CSMD1: variants seen among roughly 807,000 people sequenced by gnomAD.
CSMD1 encodes CUB and sushi domain-containing protein 1.
In CSMD1, 213 loss-of-function variants were observed where a neutral mutation model predicts 417.5. That is an observed-to-expected ratio of 0.51 (90% CI 0.46 to 0.57). The LOEUF (loss-of-function observed/expected upper bound fraction) is 0.57, where lower values mean the gene tolerates loss of function less well. CSMD1 is among the 20% of genes least tolerant of loss of function. The pLI, the probability that CSMD1 is intolerant of heterozygous loss-of-function variation, is 0.00. For synonymous variants in CSMD1, 2,862 were observed against 1,736.8 expected (o/e 1.65, Z -16.11); for missense variants, 6,923 against 4,529.7 (o/e 1.53, Z -15.17).
At chr8:4,248,276 T>A (rs1484061704) in intron 3 of CSMD1, among the ~76,000 whole-genome samples, 4 of 152,194 alleles carry the variant, frequency 2.6e-5, no homozygotes, top group Non-Finnish European at 4.4e-5. Context: ...TCTAGTCCAC[T>A]ATTCTTTATA....
At chr8:2,983,313 A>C (rs796640583) in intron 54 of CSMD1, among the ~76,000 whole-genome samples, 81 of 152,064 alleles carry the variant, frequency 5.3e-4, no homozygotes, top group African/African-American at 1.9e-3. Context: ...CAGCCTCCCG[A>C]GTAGCTGGTA....
intron 25 of CSMD1, among the ~76,000 whole-genome samples, chr8:3,301,505 C>G (rs929289937): frequency 6.6e-6 from 1 of 152,088 alleles, no homozygotes; most frequent in Non-Finnish European, 1.5e-5. Context: ...CAGAATATTT[C>G]TGGATGGGAT....
chr8:3,982,199 A>AAAT (rs1310971969), intron 5 of CSMD1, among the ~76,000 whole-genome samples: 1 of 142,436 alleles, frequency 7.0e-6, no homozygotes, highest in Non-Finnish European at 1.5e-5. Flanking sequence ...ATATTAATAA[A>AAAT]AAAAATAATA....
intron 3 of CSMD1, among the ~76,000 whole-genome samples, chr8:4,403,393 A>C (rs116552531): frequency 6.6e-6 from 1 of 152,030 alleles, no homozygotes; most frequent in Non-Finnish European, 1.5e-5. Context: ...CTCTCATCTA[A>C]TTCTCTTTTG....
At chr8:4,610,666 C>G (rs1478273) in intron 2 of CSMD1, among the ~76,000 whole-genome samples, 73,870 of 151,934 alleles carry the variant, frequency 0.49, 18,916 homozygotes, top group African/African-American at 0.66. Flanking sequence ...TAATTCATCC[C>G]ATGAATTAGT....
chr8:4,711,018 G>T (rs990740619), intron 1 of CSMD1, among the ~76,000 whole-genome samples: 4 of 151,922 alleles, frequency 2.6e-5, no homozygotes, highest in Non-Finnish European at 5.9e-5. Flanking sequence ...GATGTGCCCA[G>T]GCCTTTTCTA....
chr8:4,802,358 T>C (rs1022922486), intron 1 of CSMD1, among the ~76,000 whole-genome samples: 1 of 151,282 alleles, frequency 6.6e-6, no homozygotes, highest in East Asian at 1.9e-4. Flanking sequence ...CGCGCGTGTG[T>C]GTGTGTGTGT....
At chr8:3,589,397 T>C (rs1800747276) in intron 8 of CSMD1, among the ~76,000 whole-genome samples, 1 of 151,954 alleles carries the variant, frequency 6.6e-6, no homozygotes, top group African/African-American at 2.4e-5. Flanking sequence ...TGTGTGTGTG[T>C]GTGTGTGTTC....
rs537935220 is a variant in CSMD1, at chr8:4,090,818, G to C, written c.416-58719C>G. ...TGGTTAAAGAACATATATTCTTTAA[G>C]TCGAATGAAAAAATAGAAATATTTG... is the stretch of plus-strand genomic sequence containing the variant. On this transcript the variant is annotated intron_variant, in intron 3 of 69. Coordinates refer to ENST00000635120, the MANE Select transcript of CSMD1 (RefSeq NM_033225.6). Among the ~76,000 whole-genome samples, 3 of 152,062 alleles carry C rather than the reference G, an allele frequency of 2.0e-5. No homozygotes were observed. In the East Asian group the frequency reaches 5.8e-4, roughly 29 times the overall value.
In CSMD1 at chr8:4,583,941, G is replaced by A. The variant is rs567243561; in HGVS notation, c.302+53401C>T. ...GCTTTTATGAGCTGTAACACTCACCGCCAAAGTCTGCAGCTTCACTCCTGA... is the reference window on the plus strand; with the variant it reads ...GCTTTTATGAGCTGTAACACTCACCACCAAAGTCTGCAGCTTCACTCCTGA... On this transcript the variant is annotated intron_variant, in intron 2 of 69. Coordinates refer to ENST00000635120, the MANE Select transcript of CSMD1 (RefSeq NM_033225.6). Among the ~76,000 whole-genome samples the A allele has an allele frequency of 1.1e-4, 16 of 152,014 alleles. No individual in the cohort carries two copies. In the East Asian group the frequency reaches 2.9e-3, roughly 28 times the overall value.
chr8:3,939,130 G>T (rs961533665), intron 5 of CSMD1, among the ~76,000 whole-genome samples: 1 of 152,068 alleles, frequency 6.6e-6, no homozygotes, highest in Admixed American at 6.6e-5. Flanking sequence ...CAGAAAAACT[G>T]TTCTTGCCCT....
intron 5 of CSMD1, among the ~76,000 whole-genome samples, chr8:3,844,854 C>G (rs151189560): frequency 4.6e-5 from 7 of 152,206 alleles, no homozygotes; most frequent in African/African-American, 1.7e-4. Flanking sequence ...GGAAAAATGT[C>G]TCTTAAAATT....
intron 2 of CSMD1, among the ~76,000 whole-genome samples, chr8:4,593,180 T>C (rs1028962800): frequency 2.0e-5 from 3 of 152,130 alleles, no homozygotes; most frequent in Non-Finnish European, 4.4e-5. Context: ...GTCACTGAAG[T>C]GCATACAAAT....
intron 50 of CSMD1, among the ~76,000 whole-genome samples, chr8:3,037,952 C>T (rs1362208600): frequency 6.6e-6 from 1 of 152,176 alleles, no homozygotes; most frequent in African/African-American, 2.4e-5. Context: ...TTTCCTTATT[C>T]CTGCCACTAC....
intron 50 of CSMD1, among the ~76,000 whole-genome samples, chr8:3,041,926 C>T (rs1248262013): frequency 6.6e-6 from 1 of 152,162 alleles, no homozygotes. Flanking sequence ...TTTGACATCA[C>T]GGTCCTCTTG....
At chr8:4,619,613 C>T (rs574033146) in intron 2 of CSMD1, among the ~76,000 whole-genome samples, 133 of 152,148 alleles carry the variant, frequency 8.7e-4, no homozygotes, top group Non-Finnish European at 1.4e-3. Flanking sequence ...CCACTCTATC[C>T]GTCTGTGCAC....
chr8:4,134,086 T>A (rs1803273293), intron 3 of CSMD1, among the ~76,000 whole-genome samples: 1 of 152,218 alleles, frequency 6.6e-6, no homozygotes, highest in Non-Finnish European at 1.5e-5. Context: ...TATAAGATTA[T>A]CAACTCAACA....
intron 5 of CSMD1, among the ~76,000 whole-genome samples, chr8:3,754,779 C>G (rs892834994): frequency 2.0e-5 from 3 of 152,076 alleles, no homozygotes; most frequent in African/African-American, 4.8e-5. Context: ...TTCTATGTAA[C>G]CTGAAGTAGA....
chr8:4,022,946 A>G (rs564786101), intron 4 of CSMD1, among the ~76,000 whole-genome samples: 2 of 152,366 alleles, frequency 1.3e-5, no homozygotes, highest in East Asian at 1.9e-4. Flanking sequence ...AAAAATAAGG[A>G]TAATTCAAAA....
Sources: allele counts gnomAD v4.1 joint callset (sites outside exome capture counted in the v4.1 genomes callset), GRCh38; gene constraint gnomAD v4.1.1; transcripts MANE v1.5; gene names NCBI Gene and HGNC (gene_info 2026-07-23, HGNC 2026-07-21).